CPT1A: variants seen among roughly 807,000 people sequenced by gnomAD.
The protein encoded by CPT1A is carnitine O-palmitoyltransferase 1, liver isoform.
In CPT1A, 64 loss-of-function variants were observed where a neutral mutation model predicts 100.8. The observed-to-expected ratio is 0.63, with a 90% CI of 0.52 to 0.78. The LOEUF (loss-of-function observed/expected upper bound fraction) is 0.78. CPT1A is among the 30% of genes least tolerant of loss of function. The pLI, the probability that CPT1A is intolerant of heterozygous loss-of-function variation, is 0.00. For synonymous variants in CPT1A, 363 were observed against 396.0 expected (o/e 0.92, Z 0.99); for missense variants, 802 against 1,034.1 (o/e 0.78, Z 3.08).
At chr11:68,811,516 C>T (rs1045611018) in intron 3 of CPT1A, among the ~76,000 whole-genome samples, 2 of 151,956 alleles carry the variant, frequency 1.3e-5, no homozygotes, top group African/African-American at 2.4e-5. Context: ...GGTGTTCACT[C>T]GCATTTGTCT....
intron 3 of CPT1A, 41 bp downstream of exon 3, chr11:68,812,396 G>A (rs1856238814): frequency 6.2e-7 from 1 of 1,613,046 alleles, no homozygotes; most frequent in Non-Finnish European, 8.5e-7. Context: ...AATAAAATCG[G>A]TAACTTCCCA....
intron 12 of CPT1A, among the ~76,000 whole-genome samples, chr11:68,778,170 A>G (rs1262150997): frequency 6.6e-6 from 1 of 152,016 alleles, no homozygotes; most frequent in Admixed American, 6.6e-5. Context: ...CAAGACTCCA[A>G]CCAGAAGTAA....
At chr11:68,808,320 AG>A (rs1360679076) in intron 3 of CPT1A, among the ~76,000 whole-genome samples, 3 of 152,128 alleles carry the variant, frequency 2.0e-5, no homozygotes, top group African/African-American at 7.2e-5. Context: ...TTGTGAAGGA[AG>A]GTAGTATATA....
intron 13 of CPT1A, 102 bp from the exon 14 acceptor site, chr11:68,773,531 T>C (rs542097360): frequency 4.4e-6 from 7 of 1,576,878 alleles, no homozygotes; most frequent in Non-Finnish European, 6.0e-6. Context: ...AGCTATAAAC[T>C]CGGTACTGGG....
At position 68,784,875 on chromosome 11, in the gene CPT1A, T is replaced by A; in HGVS notation, c.1103A>T (p.Asp368Val). 6.2e-7 allele frequency: 1 copy of A among 1,613,920 alleles called. No individual in the cohort carries two copies. The highest frequency in any genetic ancestry group is 8.5e-7 in the Non-Finnish European group (1 of 1,180,044). Reference protein sequence around the residue: ...EMEQQMQRILDNTSEPQPGEA... With the variant: ...EMEQQMQRILVNTSEPQPGEA... ...CCCGGGCTGAGGCTCCGAGGTATTG[T>A]CCAGGATCCTCTGCATCTGCTGCTC... The change falls in exon 10 of 19, where the codon GAC becomes GTC. Residue 368 changes from aspartate (D) to valine (V), a missense_variant. This residue lies in a region of CPT1A where 627 missense variants were observed against 799.3 expected (regional missense o/e 0.78). Transcript: ENST00000265641.
chr11:68,792,133 T>C (rs1363205265), intron 9 of CPT1A, among the ~76,000 whole-genome samples: 1 of 151,828 alleles, frequency 6.6e-6, no homozygotes, highest in African/African-American at 2.4e-5. Context: ...GGTCAGGAGA[T>C]GAGACCATCC....
At chr11:68,795,559 T>A (rs1427108080) in intron 7 of CPT1A, among the ~76,000 whole-genome samples, 1 of 150,784 alleles carries the variant, frequency 6.6e-6, no homozygotes, top group African/African-American at 2.4e-5. Flanking sequence ...TTATTTCAGA[T>A]GGGAAAAAAA....
intron 13 of CPT1A, 188 bp from the exon 14 acceptor site, chr11:68,773,617 T>A: frequency 1.0e-6 from 1 of 986,248 alleles, no homozygotes; most frequent in Non-Finnish European, 1.5e-6. Context: ...GAGGAGCAGC[T>A]GCAATGTTAT....
At chr11:68,815,295 A>G in intron 2 of CPT1A, 39 bp downstream of exon 2, 1 of 1,608,414 alleles carries the variant, frequency 6.2e-7, no homozygotes. Flanking sequence ...TTAGATATTA[A>G]AAGGCATACT....
Position 68,812,523 on chromosome 11 carries a change from C to T in CPT1A, c.195G>A (p.Val65=). 1 of 1,614,150 alleles carries T rather than the reference C, an allele frequency of 6.2e-7. No homozygotes were observed. Among genetic ancestry groups the T allele is most frequent in the Non-Finnish European group, 8.5e-7 (1 of 1,180,034 alleles). ...YPASPSSWLI[V]VVGVMTTMYA... is the part of the protein sequence containing the mutation. Reference sequence around the variant, plus strand: ...ACATCGTTGTCATCACGCCCACCACCACGATAAGCCAACTGGAGGGGCTTG... The same window carrying T: ...ACATCGTTGTCATCACGCCCACCACTACGATAAGCCAACTGGAGGGGCTTG... The change falls in exon 3 of 19, where the codon GTG becomes GTA. Residue 65 remains valine, a synonymous_variant. Transcript: ENST00000265641.
chr11:68,803,963 G>A, intron 5 of CPT1A, 37 bp downstream of exon 5: 1 of 1,489,776 alleles, frequency 6.7e-7, no homozygotes, highest in Non-Finnish European at 9.4e-7. Flanking sequence ...ATCCACAGAT[G>A]GCTGGCATTT....
chr11:68,781,883 C>G lies in CPT1A; in HGVS notation c.1240G>C (p.Ala414Pro). 6.2e-7 allele frequency: 1 copy of G among 1,614,178 alleles called. No individual in the cohort carries two copies. Among genetic ancestry groups the G allele is most frequent in the Non-Finnish European group, 8.5e-7 (1 of 1,180,034 alleles). The change falls in exon 11 of 19, where the codon GCA becomes CCA. Residue 414 changes from alanine (A) to proline (P), a missense_variant. Physicochemically the swap from Ala to Pro is conservative, Grantham distance 27. Around this residue, in one of 4 missense-constraint regions of CPT1A, gnomAD observed 627 missense variants for 799.3 expected, o/e 0.78. Coordinates refer to ENST00000265641, the MANE Select transcript of CPT1A (RefSeq NM_001876.4). ...NKQSLDAVEK[A>P]AFFVTLDETE... ...TCATCTAACGTCACAAAGAACGCTG[C>G]TTTCTCCACAGCATCAAGAGACTGC...
In CPT1A at chr11:68,761,677, C is replaced by G. The variant is rs1433655169; in HGVS notation, c.1886G>C (p.Arg629Thr). Reference protein sequence around the residue: ...MVDPAQTVEQRLKLFKLASEK... With the variant: ...MVDPAQTVEQTLKLFKLASEK... ...AGACGCCAACTTGAACAACTTCAGC[C>G]TCTGTTCCACCTGAGTGACAAAAGG... The change falls in exon 16 of 19, where the codon AGG becomes ACG. Residue 629 changes from arginine (R) to threonine (T), a missense_variant. Physicochemically the swap from Arg to Thr is moderately conservative, Grantham distance 71 (BLOSUM62 -1). Around this residue, in one of 4 missense-constraint regions of CPT1A, gnomAD observed 627 missense variants for 799.3 expected, o/e 0.78. Coordinates refer to ENST00000265641, the MANE Select transcript of CPT1A (RefSeq NM_001876.4). 1 of 1,614,196 alleles carries G rather than the reference C, an allele frequency of 6.2e-7. No homozygotes were observed. Among genetic ancestry groups the G allele is most frequent in the South Asian group, 1.1e-5 (1 of 91,082 alleles).
In CPT1A at chr11:68,826,540, G is replaced by A. The variant is rs533763620; in HGVS notation, c.-13-11053C>T. Among the ~76,000 whole-genome samples, 29 of 151,594 alleles carry A rather than the reference G, an allele frequency of 1.9e-4. No homozygotes were observed. In the East Asian group the frequency reaches 2.3e-3, roughly 12 times the overall value. ...ATGAGGTCAGGAGGTAGAGACCATC[G>A]TCGCTAACACGGTGAAACCCCATCT... On this transcript the variant is annotated intron_variant, in intron 1 of 18. Transcript: ENST00000265641.
intron 1 of CPT1A, among the ~76,000 whole-genome samples, chr11:68,834,934 G>A (rs1022607584): frequency 6.6e-6 from 1 of 151,844 alleles, no homozygotes; most frequent in Non-Finnish European, 1.5e-5. Flanking sequence ...GGGAGGCGGA[G>A]GTTGCAGTGA....
At chr11:68,814,929 C>A (rs182108727) in intron 2 of CPT1A, among the ~76,000 whole-genome samples, 1 of 151,994 alleles carries the variant, frequency 6.6e-6, no homozygotes, top group Non-Finnish European at 1.5e-5. Context: ...TCAAGCAATC[C>A]GCCCACCTCA....
At chr11:68,785,838 T>C in intron 9 of CPT1A, 1 of 543,974 alleles carries the variant, frequency 1.8e-6, no homozygotes. Flanking sequence ...ACCCGAGAAA[T>C]GTTCTGAGAA....
intron 6 of CPT1A, 43 bp downstream of exon 6, chr11:68,799,175 T>A (rs1349690007): frequency 3.0e-6 from 1 of 335,042 alleles, no homozygotes; most frequent in Admixed American, 6.8e-5. Flanking sequence ...AGCGTCTTCA[T>A]ACGGAAAAAT....
intron 6 of CPT1A, among the ~76,000 whole-genome samples, chr11:68,798,405 G>A (rs940345198): frequency 4.6e-5 from 7 of 152,170 alleles, no homozygotes; most frequent in Non-Finnish European, 5.9e-5. Context: ...ACCATGCCAC[G>A]TCTAGCGCCA....
Sources: allele counts gnomAD v4.1 joint callset (sites outside exome capture counted in the v4.1 genomes callset), GRCh38; gene constraint gnomAD v4.1.1; regional missense constraint gnomAD v4.1.1; transcripts MANE v1.5; gene names NCBI Gene and HGNC (gene_info 2026-07-23, HGNC 2026-07-21).